ADCY2: variants seen among roughly 807,000 people sequenced by gnomAD.
ADCY2 encodes adenylate cyclase 2.
Under a neutral mutation model 125.2 loss-of-function variants are expected in ADCY2, and 31 were observed. That is an observed-to-expected ratio of 0.25 (90% CI 0.19 to 0.33). ADCY2 has a LOEUF of 0.33. Ranked by LOEUF, ADCY2 falls within the 10% of genes least tolerant of loss-of-function variation. ADCY2 has a pLI of 1.00. For missense variants in ADCY2, 904 were observed against 1,418.2 expected (o/e 0.64, Z 5.82); for synonymous variants, 512 against 548.4 (o/e 0.93, Z 0.93).
chr5:7,821,754 A>G (rs1745309635), intron 24 of ADCY2, among the ~76,000 whole-genome samples: 1 of 152,228 alleles, frequency 6.6e-6, no homozygotes, highest in African/African-American at 2.4e-5. Flanking sequence ...CTGTGTGAGT[A>G]AGAAAGGTGT....
chr5:7,668,887 G>C (rs1412688850), intron 4 of ADCY2, among the ~76,000 whole-genome samples: 1 of 152,174 alleles, frequency 6.6e-6, no homozygotes, highest in Non-Finnish European at 1.5e-5. Flanking sequence ...TTTTGGAATA[G>C]CCTGAAATCC....
At chr5:7,465,596 A>G (rs968303118) in intron 2 of ADCY2, among the ~76,000 whole-genome samples, 18 of 152,192 alleles carry the variant, frequency 1.2e-4, no homozygotes, top group Admixed American at 2.0e-4. Flanking sequence ...GCAGACACCT[A>G]TGGTTTTTCA....
At chr5:7,616,672 G>A (rs1417243837) in intron 3 of ADCY2, among the ~76,000 whole-genome samples, 2 of 152,166 alleles carry the variant, frequency 1.3e-5, no homozygotes, top group Non-Finnish European at 2.9e-5. Context: ...TGCCCATTTT[G>A]ACATTCCAGT....
intron 1 of ADCY2, among the ~76,000 whole-genome samples, chr5:7,408,045 T>C (rs376956059): frequency 6.6e-6 from 1 of 151,622 alleles, no homozygotes; most frequent in South Asian, 2.1e-4. Flanking sequence ...ATTTTTTGTA[T>C]TTTTTTAGTA....
intron 4 of ADCY2, among the ~76,000 whole-genome samples, chr5:7,646,368 A>G (rs1415969030): frequency 6.6e-6 from 1 of 151,358 alleles, no homozygotes; most frequent in Non-Finnish European, 1.5e-5. Context: ...ATATTTATAG[A>G]AATAGTTTAT....
intron 2 of ADCY2, among the ~76,000 whole-genome samples, chr5:7,463,212 C>A (rs1741975965): frequency 6.6e-6 from 1 of 151,934 alleles, no homozygotes; most frequent in Non-Finnish European, 1.5e-5. Flanking sequence ...TTTGGTTTCC[C>A]CACATCAAAG....
At chr5:7,573,657 G>A (rs1736141552) in intron 3 of ADCY2, among the ~76,000 whole-genome samples, 1 of 139,048 alleles carries the variant, frequency 7.2e-6, no homozygotes, top group Admixed American at 7.7e-5. Flanking sequence ...CAGAGTGACA[G>A]TACAAAGCTT....
intron 9 of ADCY2, 29 bp downstream of exon 9, chr5:7,707,867 GA>G (rs1561179787): frequency 1.2e-6 from 2 of 1,601,728 alleles, no homozygotes; most frequent in South Asian, 1.1e-5. Flanking sequence ...AGTCTATGAT[GA>G]AAAGGGAGGA....
Position 7,709,295 on chromosome 5 carries a change from C to T in ADCY2, c.1486C>T (p.Arg496Trp), listed in dbSNP as rs1305619781. ...AKMRASVRMT[R>W]YLESWGAAKP... ...AATGAGGGCCTCGGTCCGCATGACCCGGTACTTGGAGTCCTGGGGGGCAGC... is the reference window on the plus strand; with the variant it reads ...AATGAGGGCCTCGGTCCGCATGACCTGGTACTTGGAGTCCTGGGGGGCAGC... The change falls in exon 10 of 25, where the codon CGG (arginine) becomes TGG (tryptophan). Residue 496 changes from arginine to tryptophan, a missense_variant. By Grantham distance (101) the Arg-to-Trp change is moderately radical. This residue lies in a region of ADCY2 where 144 missense variants were observed against 227.7 expected (regional missense o/e 0.63). Coordinates refer to ENST00000338316, the MANE Select transcript of ADCY2 (RefSeq NM_020546.3). This position sits in a 1 kb window ranked among gnomAD's most constrained non-coding sequence, Gnocchi z 4.4. The T allele has an allele frequency of 6.8e-6, 11 of 1,613,922 alleles. No individual in the cohort carries two copies. Among genetic ancestry groups the T allele is most frequent in the Middle Eastern group, 1.6e-4 (1 of 6,062 alleles).
intron 3 of ADCY2, among the ~76,000 whole-genome samples, chr5:7,608,816 T>G (rs183600701): frequency 5.9e-5 from 9 of 152,242 alleles, no homozygotes; most frequent in African/African-American, 2.2e-4. Flanking sequence ...GTTTAAGACA[T>G]CAAACTCTGA....
chr5:7,406,510 T>A (rs1739495672), intron 1 of ADCY2, among the ~76,000 whole-genome samples: 1 of 152,244 alleles, frequency 6.6e-6, no homozygotes, highest in South Asian at 2.1e-4. Flanking sequence ...TGAGGGTCCC[T>A]GGCCCAGAGA....
chr5:7,501,901 C>G (rs965121793), intron 2 of ADCY2, among the ~76,000 whole-genome samples: 1 of 152,046 alleles, frequency 6.6e-6, no homozygotes, highest in South Asian at 2.1e-4. Flanking sequence ...TTTCAACACC[C>G]GGGCATCACA....
chr5:7,475,105 A>G (rs985410104), intron 2 of ADCY2, among the ~76,000 whole-genome samples: 2 of 152,220 alleles, frequency 1.3e-5, no homozygotes, highest in Non-Finnish European at 2.9e-5. Context: ...TGGGAAGCCA[A>G]CATGGAAAGG....
intron 2 of ADCY2, among the ~76,000 whole-genome samples, chr5:7,507,407 C>G (rs1394332535): frequency 1.7e-5 from 2 of 119,964 alleles, no homozygotes; most frequent in Non-Finnish European, 3.4e-5. Flanking sequence ...TACCACTGCA[C>G]TCCAGCCTGG....
intron 3 of ADCY2, among the ~76,000 whole-genome samples, chr5:7,531,310 T>C (rs1440366482): frequency 6.6e-6 from 1 of 152,170 alleles, no homozygotes; most frequent in Non-Finnish European, 1.5e-5. Flanking sequence ...ACCAGCTTCA[T>C]GGTACCTTGA....
chr5:7,495,972 T>G (rs567767825), intron 2 of ADCY2, among the ~76,000 whole-genome samples: 64 of 152,292 alleles, frequency 4.2e-4, no homozygotes, highest in African/African-American at 1.4e-3. Context: ...AGTAACCCAT[T>G]GTAAGTGCAG....
rs1216252466 is a variant in ADCY2, at chr5:7,713,284, A to G, written c.1622+385A>G. 7.2e-5 allele frequency among the ~76,000 whole-genome samples: 11 copies of G among 152,224 alleles called. No homozygotes were observed. In the South Asian group the frequency reaches 2.3e-3, roughly 32 times the overall value. On this transcript the variant is annotated intron_variant, in intron 11 of 24. Transcript: ENST00000338316. ...GGCGGGTGGATCACTTGAGATCAGG[A>G]GTTTGAGACCAGCCTGGCCAACATA...
intron 2 of ADCY2, among the ~76,000 whole-genome samples, chr5:7,433,813 A>C (rs1740696749): frequency 6.6e-6 from 1 of 152,164 alleles, no homozygotes; most frequent in Non-Finnish European, 1.5e-5. Context: ...CGAGAACAGG[A>C]GGGAGTACTT....
At chr5:7,677,003 G>A (rs1193568037) in intron 4 of ADCY2, among the ~76,000 whole-genome samples, 1 of 152,116 alleles carries the variant, frequency 6.6e-6, no homozygotes, top group Non-Finnish European at 1.5e-5. Flanking sequence ...CCAGCCGGGT[G>A]CGGTGGCTCA....
Sources: gnomAD v4.1 joint callset for allele counts (sites outside exome capture counted in the v4.1 genomes callset) on GRCh38, gnomAD v4.1.1 for gene constraint, gnomAD v4.1.1 regional missense constraint, Gnocchi (gnomAD v3.1) non-coding constraint, MANE v1.5 for transcripts, NCBI Gene and HGNC (gene_info 2026-07-23, HGNC 2026-07-21) for gene names.